The following ABLIM2 variants were observed in gnomAD, a reference collection of about 807,000 sequenced individuals.
ABLIM2 encodes actin-binding LIM protein 2.
ABLIM2 carries 53 observed loss-of-function variants against 97.7 expected under a neutral mutation model. The observed-to-expected ratio is 0.54, with a 90% CI of 0.44 to 0.68. ABLIM2 has a LOEUF of 0.68. Among genes scored for constraint, ABLIM2 ranks in the 30% least tolerant of loss-of-function variants. The pLI, the probability that ABLIM2 is intolerant of heterozygous loss-of-function variation, is 0.00. For synonymous variants in ABLIM2, 361 were observed against 345.8 expected (o/e 1.04, Z -0.49); for missense variants, 835 against 867.2 (o/e 0.96, Z 0.47).
Position 8,155,385 on chromosome 4 carries a change from C to T in ABLIM2, c.10+3295G>A, listed in dbSNP as rs1341322392. 1.3e-5 allele frequency among the ~76,000 whole-genome samples: 2 copies of T among 152,304 alleles called. No individual in the cohort carries two copies. Among genetic ancestry groups the T allele is most frequent in the East Asian group, 1.9e-4 (1 of 5,184 alleles). The stretch of plus-strand genomic sequence containing the variant: ...GACTAGGGCTCAGGTTCGGGCTCTG[C>T]CACATCCTCTCCTTGGCCCTGGACA... On this transcript the variant is annotated intron_variant, in intron 1 of 20. Coordinates refer to ENST00000447017, the MANE Select transcript of ABLIM2 (RefSeq NM_001130083.2). The surrounding 1 kb of genome is among the most constrained non-coding windows in gnomAD (Gnocchi z 4.2).
chr4:8,040,841 G>A (rs938608804), intron 9 of ABLIM2, among the ~76,000 whole-genome samples: 3 of 152,200 alleles, frequency 2.0e-5, no homozygotes, highest in East Asian at 1.9e-4. Context: ...GGTGCTTGGA[G>A]CACGTGTCAG....
chr4:8,101,232 C>T (rs985174411), intron 2 of ABLIM2, among the ~76,000 whole-genome samples: 5 of 152,224 alleles, frequency 3.3e-5, no homozygotes, highest in African/African-American at 1.2e-4. Context: ...CTTGGCCCAG[C>T]CCGGCTCAGG....
Position 8,128,316 on chromosome 4 carries a change from A to C in ABLIM2, c.11-21679T>G, listed in dbSNP as rs1407805265. Reference sequence around the variant, plus strand: ...CATACGGAAACACCCAAACAAGGTCACATTCAGAGCTTCCAGGTGGGTGGG... The same window carrying C: ...CATACGGAAACACCCAAACAAGGTCCCATTCAGAGCTTCCAGGTGGGTGGG... On this transcript the variant is annotated intron_variant, in intron 1 of 20. Transcript: ENST00000447017. The surrounding 1 kb of genome is among the most constrained non-coding windows in gnomAD (Gnocchi z 4.9). 6.6e-6 allele frequency among the ~76,000 whole-genome samples: 1 copy of C among 152,198 alleles called. No homozygotes were observed. Among genetic ancestry groups the C allele is most frequent in the Non-Finnish European group, 1.5e-5 (1 of 68,038 alleles).
chr4:7,971,870 G>C (rs1728341406), intron 20 of ABLIM2, among the ~76,000 whole-genome samples: 1 of 152,088 alleles, frequency 6.6e-6, no homozygotes, highest in East Asian at 1.9e-4. Context: ...CACAGGGCTG[G>C]CTGACCGGGT....
At chr4:8,156,920 T>A (rs1032185246) in intron 1 of ABLIM2, among the ~76,000 whole-genome samples, 17 of 152,188 alleles carry the variant, frequency 1.1e-4, no homozygotes, top group Non-Finnish European at 1.2e-4. Flanking sequence ...GGGCGACAGG[T>A]GGCCCGGAGA....
At chr4:7,981,446 C>T (rs1200597407) in intron 20 of ABLIM2, among the ~76,000 whole-genome samples, 1 of 152,146 alleles carries the variant, frequency 6.6e-6, no homozygotes, top group Admixed American at 6.5e-5. Flanking sequence ...CTTCCGGAAA[C>T]ATATAAACCA....
chr4:8,020,399 A>C (rs952566208), intron 12 of ABLIM2, 96 bp from the exon 13 acceptor site: 4 of 1,115,548 alleles, frequency 3.6e-6, no homozygotes, highest in South Asian at 2.6e-5. Flanking sequence ...AGCGAGCCCC[A>C]TCTCTCCTGT....
intron 1 of ABLIM2, among the ~76,000 whole-genome samples, chr4:8,151,166 G>A (rs774872162): frequency 4.6e-5 from 7 of 152,122 alleles, no homozygotes; most frequent in Admixed American, 1.3e-4. Flanking sequence ...GAGCCCAGGT[G>A]TGCCCAGCCC....
intron 20 of ABLIM2, among the ~76,000 whole-genome samples, chr4:7,980,839 T>C (rs1162077803): frequency 6.6e-6 from 1 of 152,008 alleles, no homozygotes; most frequent in African/African-American, 2.4e-5. Context: ...CTAGCACCTT[T>C]TAAAAGTCCG....
At position 8,120,763 on chromosome 4, in the gene ABLIM2, C is replaced by A. The variant is rs913874371; in HGVS notation, c.11-14126G>T. Among the ~76,000 whole-genome samples, 2 of 152,216 alleles carry A rather than the reference C, an allele frequency of 1.3e-5. No homozygotes were observed. The highest frequency in any genetic ancestry group is 2.9e-5 in the Non-Finnish European group (2 of 68,042). On this transcript the variant is annotated intron_variant, in intron 1 of 20. Coordinates refer to ENST00000447017, the MANE Select transcript of ABLIM2 (RefSeq NM_001130083.2). The surrounding 1 kb of genome is among the most constrained non-coding windows in gnomAD (Gnocchi z 5.6). ...GTGACATCACTAAGTTGAGACTTCA[C>A]TGACTTCACCTAACCTAGCGACCAT...
chr4:8,046,614 C>A lies in ABLIM2; in HGVS notation c.823-1373G>T, dbSNP rs1409403184. On this transcript the variant is annotated intron_variant, in intron 8 of 20. Coordinates refer to ENST00000447017, the MANE Select transcript of ABLIM2 (RefSeq NM_001130083.2). The surrounding 1 kb of genome is among the most constrained non-coding windows in gnomAD (Gnocchi z 4.4). ...TAGACCCTTTTCTTGCCACCCCCAACAATTCTGTCCTGCCCATTTCAGGGG... is the reference window on the plus strand; with the variant it reads ...TAGACCCTTTTCTTGCCACCCCCAAAAATTCTGTCCTGCCCATTTCAGGGG... 1.3e-5 allele frequency among the ~76,000 whole-genome samples: 2 copies of A among 152,130 alleles called. No homozygotes were observed. Among genetic ancestry groups the A allele is most frequent in the Non-Finnish European group, 2.9e-5 (2 of 68,028 alleles).
chr4:8,071,716 T>C lies in ABLIM2; in HGVS notation c.675+5912A>G. 10 of 402,230 alleles carry C rather than the reference T, an allele frequency of 2.5e-5. No individual in the cohort carries two copies. The highest frequency in any genetic ancestry group is 3.3e-5 in the Non-Finnish European group (10 of 304,264). The allele number at this position is 402,230 out of a possible 1,614,324, so 24.9% of individuals were successfully genotyped here. ...AAACCCACCCACCCGCAGCCCCTCCTGGCCCCTGTGAGCCCCCATCAGCCC... is the reference window on the plus strand; with the variant it reads ...AAACCCACCCACCCGCAGCCCCTCCCGGCCCCTGTGAGCCCCCATCAGCCC... On this transcript the variant is annotated intron_variant, in intron 6 of 20. Coordinates refer to ENST00000447017, the MANE Select transcript of ABLIM2 (RefSeq NM_001130083.2). The surrounding 1 kb of genome is among the most constrained non-coding windows in gnomAD (Gnocchi z 6.2).
At chr4:7,978,082 G>A (rs79485592) in intron 20 of ABLIM2, among the ~76,000 whole-genome samples, 3,306 of 152,068 alleles carry the variant, frequency 0.022, 34 homozygotes, top group Non-Finnish European at 0.036. Flanking sequence ...TGACAGTTAA[G>A]ATTTTTTAAA....
At position 8,130,384 on chromosome 4, in the gene ABLIM2, C is replaced by G. The variant is rs181439988; in HGVS notation, c.11-23747G>C. Among the ~76,000 whole-genome samples, 1 of 152,316 alleles carries G rather than the reference C, an allele frequency of 6.6e-6. No individual in the cohort carries two copies. The highest frequency in any genetic ancestry group is 1.5e-5 in the Non-Finnish European group (1 of 68,020). ...AGGGCCATGTGGAGAGGTTGGCCTT[C>G]TGAGTCCTGCCTGGGCCCTCAGGGT... On this transcript the variant is annotated intron_variant, in intron 1 of 20. Transcript: ENST00000447017. The surrounding 1 kb of genome is among the most constrained non-coding windows in gnomAD (Gnocchi z 4.2).
chr4:8,111,184 C>A, intron 1 of ABLIM2, among the ~76,000 whole-genome samples: 1 of 152,354 alleles, frequency 6.6e-6, no homozygotes, highest in East Asian at 1.9e-4. Flanking sequence ...CATGCCATCA[C>A]ACCATGAGAA....
intron 7 of ABLIM2, among the ~76,000 whole-genome samples, chr4:8,055,226 A>G (rs1447523517): frequency 1.3e-5 from 2 of 152,160 alleles, no homozygotes; most frequent in East Asian, 3.9e-4. Context: ...GGACTCAGTG[A>G]ATGTCAACTC....
At chr4:8,060,203 T>C (rs1802092887) in intron 7 of ABLIM2, among the ~76,000 whole-genome samples, 1 of 152,174 alleles carries the variant, frequency 6.6e-6, no homozygotes, top group Non-Finnish European at 1.5e-5. Flanking sequence ...GGTAGCCGAA[T>C]GCCGCCATCA....
intron 9 of ABLIM2, chr4:8,041,531 C>T (rs1167415180): frequency 1.3e-5 from 2 of 151,758 alleles, no homozygotes; most frequent in Non-Finnish European, 2.9e-5. Context: ...CAACAGAGGC[C>T]GCTGTCACTG....
intron 1 of ABLIM2, among the ~76,000 whole-genome samples, chr4:8,137,499 C>T (rs28656333): frequency 4.3e-4 from 65 of 152,304 alleles, no homozygotes; most frequent in African/African-American, 1.3e-3. Flanking sequence ...TGAGGGGAAC[C>T]GCCTGTGCAA....
Sources: allele counts gnomAD v4.1 joint callset (sites outside exome capture counted in the v4.1 genomes callset), GRCh38; gene constraint gnomAD v4.1.1; non-coding constraint Gnocchi (gnomAD v3.1); transcripts MANE v1.5; gene names NCBI Gene and HGNC (gene_info 2026-07-23, HGNC 2026-07-21).